Variants in ROR2 observed in about 807,000 individuals in gnomAD.
The protein encoded by ROR2 is tyrosine-protein kinase transmembrane receptor ROR2.
In ROR2, 33 loss-of-function variants were observed where a neutral mutation model predicts 74.9. That is an observed-to-expected ratio of 0.44 (90% CI 0.33 to 0.59). The LOEUF is 0.59. Among genes scored for constraint, ROR2 ranks in the 20% least tolerant of loss-of-function variants. The pLI is 0.02. For synonymous variants in ROR2, 586 were observed against 558.7 expected (o/e 1.05, Z -0.69); for missense variants, 1,216 against 1,313.8 (o/e 0.93, Z 1.15).
intron 4 of ROR2, among the ~76,000 whole-genome samples, chr9:91,743,260 C>T (rs1467683251): frequency 6.6e-6 from 1 of 152,112 alleles, no homozygotes; most frequent in Non-Finnish European, 1.5e-5. Context: ...ATACAAATAT[C>T]TAACAAGGAC....
intron 1 of ROR2, among the ~76,000 whole-genome samples, chr9:91,836,116 T>C (rs1358091393): frequency 6.6e-6 from 1 of 152,222 alleles, no homozygotes; most frequent in African/African-American, 2.4e-5. Context: ...AATCCCACCA[T>C]GCTTCTCTGT....
At chr9:91,756,016 C>T (rs1825737792) in intron 4 of ROR2, 55 bp downstream of exon 4, 1 of 1,583,342 alleles carries the variant, frequency 6.3e-7, no homozygotes, top group African/African-American at 1.3e-5. Flanking sequence ...CGGATTCCTA[C>T]ATAACAAAAA....
chr9:91,837,314 G>T (rs12003585), intron 1 of ROR2, among the ~76,000 whole-genome samples: 22,206 of 152,124 alleles, frequency 0.15, 3,880 homozygotes, highest in African/African-American at 0.42. Flanking sequence ...CCTCATGATC[G>T]GCCCGCCTCA....
At chr9:91,794,518 G>C (rs963698323) in intron 1 of ROR2, among the ~76,000 whole-genome samples, 1 of 152,122 alleles carries the variant, frequency 6.6e-6, no homozygotes, top group Admixed American at 6.5e-5. Flanking sequence ...CCACATAGAG[G>C]CTTTAGGGAG....
chr9:91,860,527 A>C (rs1829440081), intron 1 of ROR2, among the ~76,000 whole-genome samples: 1 of 152,220 alleles, frequency 6.6e-6, no homozygotes, highest in Non-Finnish European at 1.5e-5. Context: ...GCGATCATGG[A>C]GGCTGAAAGA....
At chr9:91,850,691 A>G (rs1829063679) in intron 1 of ROR2, among the ~76,000 whole-genome samples, 1 of 152,250 alleles carries the variant, frequency 6.6e-6, no homozygotes, top group Non-Finnish European at 1.5e-5. Context: ...CTAAGTGTGT[A>G]TTGGTCACAG....
intron 1 of ROR2, among the ~76,000 whole-genome samples, chr9:91,777,520 A>AT (rs1412440044): frequency 6.6e-6 from 1 of 152,066 alleles, no homozygotes; most frequent in African/African-American, 2.4e-5. Flanking sequence ...ACAAGTATCA[A>AT]TTTTTTAATG....
intron 1 of ROR2, among the ~76,000 whole-genome samples, chr9:91,897,811 G>A (rs1419551891): frequency 6.6e-6 from 1 of 152,186 alleles, no homozygotes; most frequent in African/African-American, 2.4e-5. Context: ...GCCCAGGCCC[G>A]GTCACCAAGA....
intron 1 of ROR2, among the ~76,000 whole-genome samples, chr9:91,928,891 T>C (rs537311253): frequency 3.3e-5 from 5 of 152,320 alleles, no homozygotes; most frequent in Non-Finnish European, 5.9e-5. Flanking sequence ...TCAATAAATA[T>C]CAGGACTGAA....
intron 1 of ROR2, among the ~76,000 whole-genome samples, chr9:91,942,675 A>G (rs925090081): frequency 1.3e-5 from 2 of 152,200 alleles, no homozygotes; most frequent in Admixed American, 1.3e-4. Flanking sequence ...GTAATAAGGA[A>G]CATGAGATTA....
intron 1 of ROR2, among the ~76,000 whole-genome samples, chr9:91,862,878 T>C (rs1263522284): frequency 6.6e-6 from 1 of 152,118 alleles, no homozygotes; most frequent in African/African-American, 2.4e-5. Flanking sequence ...CACAACTAAA[T>C]AGTAAAAAAG....
chr9:91,746,927 T>G (rs895959992), intron 4 of ROR2, among the ~76,000 whole-genome samples: 2 of 150,908 alleles, frequency 1.3e-5, no homozygotes, highest in Non-Finnish European at 1.5e-5. Context: ...GGCCATGGGG[T>G]GGGTCCAGGA....
At chr9:91,871,471 C>T (rs1174983025) in intron 1 of ROR2, among the ~76,000 whole-genome samples, 1 of 152,152 alleles carries the variant, frequency 6.6e-6, no homozygotes, top group Non-Finnish European at 1.5e-5. Context: ...ATGCCTGTGA[C>T]AAAGGGATGG....
At chr9:91,743,078 C>T (rs965042751) in intron 4 of ROR2, among the ~76,000 whole-genome samples, 3 of 152,030 alleles carry the variant, frequency 2.0e-5, no homozygotes, top group African/African-American at 7.2e-5. Context: ...CTATGATGTC[C>T]CTACAAGGAG....
intron 1 of ROR2, among the ~76,000 whole-genome samples, chr9:91,901,150 T>C (rs184389707): frequency 6.6e-6 from 1 of 152,340 alleles, no homozygotes; most frequent in Non-Finnish European, 1.5e-5. Context: ...CCCAACTATA[T>C]TCTTCTGAAA....
At chr9:91,869,873 G>A (rs1371017626) in intron 1 of ROR2, among the ~76,000 whole-genome samples, 1 of 152,046 alleles carries the variant, frequency 6.6e-6, no homozygotes, top group African/African-American at 2.4e-5. Context: ...AAAAAAATAA[G>A]CATTCATAAA....
At chr9:91,856,020 G>A (rs188396327) in intron 1 of ROR2, among the ~76,000 whole-genome samples, 1 of 152,218 alleles carries the variant, frequency 6.6e-6, no homozygotes, top group Admixed American at 6.5e-5. Flanking sequence ...AGCATTTGTT[G>A]GGACTTCCCA....
intron 1 of ROR2, among the ~76,000 whole-genome samples, chr9:91,841,889 C>G (rs901765327): frequency 6.6e-6 from 1 of 152,218 alleles, no homozygotes; most frequent in East Asian, 1.9e-4. Flanking sequence ...GTGCATGGCC[C>G]TGGCAGCCAC....
chr9:91,936,966 C>T (rs1831712918), intron 1 of ROR2, among the ~76,000 whole-genome samples: 1 of 141,112 alleles, frequency 7.1e-6, no homozygotes, highest in South Asian at 2.3e-4. Flanking sequence ...GGAGGCGGAG[C>T]TTGCAGTGAG....
Sources: gnomAD v4.1 joint callset for allele counts (sites outside exome capture counted in the v4.1 genomes callset) on GRCh38, gnomAD v4.1.1 for gene constraint, MANE v1.5 for transcripts, NCBI Gene and HGNC (gene_info 2026-07-23, HGNC 2026-07-21) for gene names.